Variants in TEK observed in about 807,000 individuals in gnomAD.
TEK encodes TEK receptor tyrosine kinase, also known as angiopoietin-1 receptor.
A neutral mutation model predicts 131.8 loss-of-function variants in TEK; 43 were observed. The observed-to-expected ratio is 0.33, with a 90% CI of 0.26 to 0.42. The LOEUF (loss-of-function observed/expected upper bound fraction) is 0.42, where lower values mean the gene tolerates loss of function less well. Ranked by LOEUF, TEK falls within the 10% of genes least tolerant of loss-of-function variation. TEK has a pLI of 1.00. For synonymous variants in TEK, 580 were observed against 491.6 expected (o/e 1.18, Z -2.38); for missense variants, 1,162 against 1,384.4 (o/e 0.84, Z 2.55).
chr9:27,116,403 C>G (rs1307288833), intron 1 of TEK, among the ~76,000 whole-genome samples: 5 of 152,242 alleles, frequency 3.3e-5, no homozygotes, highest in Non-Finnish European at 2.9e-5. Flanking sequence ...ATTCTCCCAC[C>G]TCAGCCTCCT....
At chr9:27,124,835 TC>T (rs1821929312) in intron 1 of TEK, among the ~76,000 whole-genome samples, 1 of 152,170 alleles carries the variant, frequency 6.6e-6, no homozygotes, top group East Asian at 1.9e-4. Flanking sequence ...TAATATTTAA[TC>T]CATCTAACCA....
At chr9:27,161,818 A>G (rs949826059) in intron 2 of TEK, among the ~76,000 whole-genome samples, 5 of 152,260 alleles carry the variant, frequency 3.3e-5, no homozygotes, top group African/African-American at 1.2e-4. Context: ...GAAAAAAAAT[A>G]AGGATAGAGA....
chr9:27,183,431 A>G, intron 7 of TEK, 28 bp from the exon 8 acceptor site: 5 of 1,612,644 alleles, frequency 3.1e-6, no homozygotes, highest in Non-Finnish European at 4.2e-6. Context: ...TAAATATTAG[A>G]TTTCACAGTG....
intron 15 of TEK, among the ~76,000 whole-genome samples, chr9:27,207,221 G>C (rs999165196): frequency 3.9e-5 from 6 of 152,224 alleles, no homozygotes; most frequent in African/African-American, 1.4e-4. Flanking sequence ...TAGTTTTCCA[G>C]TGATGCTATC....
intron 15 of TEK, 104 bp downstream of exon 15, chr9:27,206,896 A>T: frequency 7.8e-7 from 1 of 1,285,776 alleles, no homozygotes; most frequent in Non-Finnish European, 1.1e-6. Flanking sequence ...TTGGCATGGT[A>T]TCAGACATAG....
intron 1 of TEK, among the ~76,000 whole-genome samples, chr9:27,136,765 C>CT (rs994672283): frequency 1.4e-4 from 21 of 151,416 alleles, no homozygotes; most frequent in Middle Eastern, 3.2e-3. Flanking sequence ...CTTGGCCATT[C>CT]TTTTTTTTTC....
intron 1 of TEK, among the ~76,000 whole-genome samples, chr9:27,120,968 G>A (rs1821760363): frequency 6.6e-6 from 1 of 152,214 alleles, no homozygotes; most frequent in Non-Finnish European, 1.5e-5. Flanking sequence ...GCTGTGTTTG[G>A]CATTTCAGTA....
At position 27,229,250 on chromosome 9, in the gene TEK, C is replaced by A; in HGVS notation, c.*18C>A. On this transcript the variant is annotated 3_prime_UTR_variant, in exon 23 of 23. Transcript: ENST00000380036. ...CGGCCTAGGACAGAACATCTGTATA[C>A]CCTCTGTTTCCCTTTCACTGGCATG... The A allele has an allele frequency of 6.2e-7, 1 of 1,611,920 alleles. No individual in the cohort carries two copies. The highest frequency in any genetic ancestry group is 8.5e-7 in the Non-Finnish European group (1 of 1,178,066).
chr9:27,218,874 C>T (rs556356181), intron 20 of TEK, 57 bp downstream of exon 20: 1 of 1,510,056 alleles, frequency 6.6e-7, no homozygotes, highest in Non-Finnish European at 9.2e-7. Context: ...GTGGAAGCCT[C>T]TAGCACTCCC....
At chr9:27,218,128 A>C (rs780512617) in intron 19 of TEK, among the ~76,000 whole-genome samples, 348 of 30,852 alleles carry the variant, frequency 0.011, 1 homozygote, top group Non-Finnish European at 0.013. Flanking sequence ...AAGGCCAGAC[A>C]GTGGCGGGGG....
At chr9:27,219,962 C>G (rs1428888877) in intron 20 of TEK, 87 bp from the exon 21 acceptor site, 4 of 1,383,750 alleles carry the variant, frequency 2.9e-6, no homozygotes, top group Non-Finnish European at 4.1e-6. Context: ...ATGTCTTCCT[C>G]CTGGCCCCTT....
intron 9 of TEK, among the ~76,000 whole-genome samples, chr9:27,187,807 G>T (rs534153842): frequency 2.0e-5 from 3 of 152,202 alleles, no homozygotes; most frequent in African/African-American, 7.2e-5. Context: ...TAGGACACAG[G>T]TACAGGGTCT....
chr9:27,129,852 T>C (rs1195365434), intron 1 of TEK, among the ~76,000 whole-genome samples: 2 of 152,216 alleles, frequency 1.3e-5, no homozygotes, highest in African/African-American at 2.4e-5. Context: ...AATAAATGAA[T>C]AGATTTCCAC....
At chr9:27,220,268 C>T (rs1554703171) in intron 21 of TEK, 123 bp downstream of exon 21, 1 of 812,492 alleles carries the variant, frequency 1.2e-6, no homozygotes, top group Non-Finnish European at 2.1e-6. Context: ...CACAGAGATC[C>T]CAAATAGGAA....
In TEK at chr9:27,197,416, G is replaced by A; in HGVS notation, c.1726G>A (p.Val576Ile). 6.2e-7 allele frequency: 1 copy of A among 1,614,146 alleles called. No homozygotes were observed. Among genetic ancestry groups the A allele is most frequent in the Non-Finnish European group, 8.5e-7 (1 of 1,179,994 alleles). ...TCCAAGCTCGGAAGATGACTTTTAT[G>A]TTGAAGTGGAGAGAAGGTCTGTGCA... ...IFPSSEDDFYVEVERRSVQKS... is the reference protein window; with the variant it reads ...IFPSSEDDFYIEVERRSVQKS... Residue 576 changes from valine to isoleucine, a missense_variant, in exon 12 of 23, where the codon GTT becomes ATT. Physicochemically the swap from Val to Ile is conservative, Grantham distance 29 (BLOSUM62 3). Coordinates refer to ENST00000380036, the MANE Select transcript of TEK (RefSeq NM_000459.5).
intron 21 of TEK, 104 bp from the exon 22 acceptor site, chr9:27,228,102 C>A: frequency 1.1e-6 from 1 of 915,188 alleles, no homozygotes; most frequent in African/African-American, 1.6e-5. Context: ...GGTTAAGCTT[C>A]ATAACCATGC....
At chr9:27,129,110 G>A (rs928740194) in intron 1 of TEK, among the ~76,000 whole-genome samples, 16 of 152,110 alleles carry the variant, frequency 1.1e-4, no homozygotes, top group African/African-American at 3.4e-4. Flanking sequence ...TTGGCTGTGG[G>A]TTTGTCATAA....
At chr9:27,222,555 G>C (rs1368652497) in intron 21 of TEK, among the ~76,000 whole-genome samples, 1 of 152,188 alleles carries the variant, frequency 6.6e-6, no homozygotes, top group Non-Finnish European at 1.5e-5. Context: ...GTGGGGGCCA[G>C]TATTCAACAT....
At chr9:27,110,041 C>T (rs867392656) in intron 1 of TEK, among the ~76,000 whole-genome samples, 1 of 151,874 alleles carries the variant, frequency 6.6e-6, no homozygotes, top group African/African-American at 2.4e-5. Flanking sequence ...AAATGAAATT[C>T]ATGCTGAGAA....
Sources: allele counts gnomAD v4.1 joint callset (sites outside exome capture counted in the v4.1 genomes callset), GRCh38; gene constraint gnomAD v4.1.1; transcripts MANE v1.5; gene names NCBI Gene and HGNC (gene_info 2026-07-23, HGNC 2026-07-21).